GSK3B: variants seen among roughly 807,000 people sequenced by gnomAD.
GSK3B encodes glycogen synthase kinase-3 beta.
GSK3B carries 15 observed loss-of-function variants against 56.4 expected under a neutral mutation model. That is an observed-to-expected ratio of 0.27 (90% CI 0.18 to 0.41). The LOEUF is 0.41. GSK3B is among the 10% of genes least tolerant of loss of function. The probability of loss-of-function intolerance (pLI) is 1.00; values close to 1 mark genes in which losing one functional copy is unlikely to be tolerated. For synonymous variants in GSK3B, 181 were observed against 188.9 expected, an observed-to-expected ratio of 0.96 and a Z score of 0.34; for missense variants, 300 against 513.4, an observed-to-expected ratio of 0.58 and a Z score of 4.02.
chr3:119,962,329 T>G (rs2107506804), intron 2 of GSK3B, among the ~76,000 whole-genome samples: 1 of 151,156 alleles, frequency 6.6e-6, no homozygotes, highest in South Asian at 2.1e-4. Flanking sequence ...GAGCCAAGAT[T>G]GTGCCATTGC....
At chr3:119,862,575 A>G (rs1472850083) in intron 9 of GSK3B, among the ~76,000 whole-genome samples, 1 of 149,258 alleles carries the variant, frequency 6.7e-6, no homozygotes, top group Admixed American at 6.7e-5. Flanking sequence ...TAAAGGAAAT[A>G]TATTTCTTTC....
At chr3:119,939,172 CA>C (rs1296596912) in intron 3 of GSK3B, among the ~76,000 whole-genome samples, 2 of 151,990 alleles carry the variant, frequency 1.3e-5, no homozygotes, top group African/African-American at 2.4e-5. Flanking sequence ...AAAAATAGAG[CA>C]GGGGTGGAGG....
In GSK3B at chr3:119,824,887, T is replaced by TCA. The variant is rs562276586; in HGVS notation, c.*1899_*1900dup. On this transcript the variant is annotated 3_prime_UTR_variant, in exon 11 of 11. Transcript: ENST00000264235. ...CAGGCAGGACAACTCTCTTGGAGAG[T>TCA]CACACACACAGTTAAGGAGCAGGAC... 1 of 180,678 alleles carries TCA rather than the reference T, an allele frequency of 5.5e-6. No individual in the cohort carries two copies. The allele number at this position is 180,678 out of a possible 1,614,324, so 11.2% of individuals were successfully genotyped here. A position where few individuals can be genotyped will look rare whatever the true frequency, so the allele number is the denominator to read the frequency against.
intron 2 of GSK3B, among the ~76,000 whole-genome samples, chr3:119,955,016 T>C (rs752662869): frequency 1.1e-4 from 17 of 152,164 alleles, no homozygotes; most frequent in Non-Finnish European, 1.6e-4. Context: ...TCCCCCATGA[T>C]AGAAAGTTCT....
chr3:119,909,863 T>C (rs1433778826), intron 6 of GSK3B, among the ~76,000 whole-genome samples: 1 of 152,080 alleles, frequency 6.6e-6, no homozygotes, highest in African/African-American at 2.4e-5. Flanking sequence ...GGTGAAGACT[T>C]GAGAAGGTCA....
chr3:119,991,382 T>C (rs1209074644), intron 2 of GSK3B, among the ~76,000 whole-genome samples: 1 of 152,140 alleles, frequency 6.6e-6, no homozygotes, highest in Non-Finnish European at 1.5e-5. Context: ...GAAATGAAGA[T>C]TATACCAGAA....
At chr3:119,906,135 G>A (rs1047723570) in intron 6 of GSK3B, among the ~76,000 whole-genome samples, 24 of 152,128 alleles carry the variant, frequency 1.6e-4, no homozygotes, top group Middle Eastern at 3.4e-3. Flanking sequence ...CTAGACAGAG[G>A]ATTACAGTAC....
chr3:120,093,191 A>G (rs942387377), intron 1 of GSK3B, among the ~76,000 whole-genome samples, 156 bp downstream of exon 1: 4 of 152,172 alleles, frequency 2.6e-5, no homozygotes, highest in African/African-American at 9.7e-5. Context: ...TGGGAGGAGT[A>G]AAAAGGGAGC....
intron 8 of GSK3B, among the ~76,000 whole-genome samples, chr3:119,864,643 G>C (rs2056152964): frequency 6.6e-6 from 1 of 152,218 alleles, no homozygotes; most frequent in Non-Finnish European, 1.5e-5. Flanking sequence ...CGCAGATTGT[G>C]ACAGGGCATG....
At chr3:119,985,623 A>T (rs897634383) in intron 2 of GSK3B, among the ~76,000 whole-genome samples, 3 of 152,228 alleles carry the variant, frequency 2.0e-5, no homozygotes, top group Non-Finnish European at 4.4e-5. Context: ...AATACAACTT[A>T]CAAAGAATGT....
intron 2 of GSK3B, among the ~76,000 whole-genome samples, chr3:119,951,767 T>C (rs978435890): frequency 4.6e-5 from 7 of 152,124 alleles, no homozygotes; most frequent in African/African-American, 1.7e-4. Flanking sequence ...TATTATAATT[T>C]ATAATTAAGT....
At chr3:119,961,105 A>T (rs915972503) in intron 2 of GSK3B, among the ~76,000 whole-genome samples, 1 of 152,154 alleles carries the variant, frequency 6.6e-6, no homozygotes, top group East Asian at 1.9e-4. Context: ...CACCCCTCAA[A>T]ACACATGTAA....
At chr3:119,840,886 C>T (rs1324156070) in intron 10 of GSK3B, among the ~76,000 whole-genome samples, 1 of 152,182 alleles carries the variant, frequency 6.6e-6, no homozygotes, top group Non-Finnish European at 1.5e-5. Flanking sequence ...ATTTCTTAAA[C>T]AGCAGGGCCA....
intron 3 of GSK3B, among the ~76,000 whole-genome samples, chr3:119,931,973 CTGAG>C (rs1318200235): frequency 1.3e-5 from 2 of 152,150 alleles, no homozygotes; most frequent in African/African-American, 2.4e-5. Context: ...AAACCACACA[CTGAG>C]TAAGAAATTT....
chr3:120,000,918 C>CTTTTTTTTTTTTTTTTTTT (rs71156781), intron 2 of GSK3B, among the ~76,000 whole-genome samples: 1 of 91,050 alleles, frequency 1.1e-5, no homozygotes, highest in African/African-American at 4.3e-5. Flanking sequence ...ATGTAATCTC[C>CTTTTTTTTTTTTTTTTTTT]TTTTTTTTTT....
Position 119,822,129 on chromosome 3 carries a change from ATC to A in GSK3B, c.*4657_*4658del, listed in dbSNP as rs1491031592. On this transcript the variant is annotated 3_prime_UTR_variant, in exon 11 of 11. Coordinates refer to ENST00000264235, the MANE Select transcript of GSK3B (RefSeq NM_001146156.2). ...AGTTTATATTTAAAATGAAAAAAAA[ATC>A]AGTCACAGAGGCATTCAAGTAGTAA... 28 of 197,978 alleles carry A rather than the reference ATC, an allele frequency of 1.4e-4. No homozygotes were observed. The highest frequency in any genetic ancestry group is 2.5e-4 in the Non-Finnish European group (24 of 96,294). The allele number at this position is 197,978 out of a possible 1,614,324, so 12.3% of individuals were successfully genotyped here.
intron 5 of GSK3B, among the ~76,000 whole-genome samples, chr3:119,913,266 C>T (rs149617940): frequency 3.9e-4 from 59 of 152,186 alleles, no homozygotes; most frequent in East Asian, 1.2e-3. Flanking sequence ...TTCTGACTCA[C>T]GGCGAATATT....
chr3:120,024,485 C>T (rs1194140066), intron 1 of GSK3B, among the ~76,000 whole-genome samples: 2 of 152,202 alleles, frequency 1.3e-5, no homozygotes, highest in East Asian at 1.9e-4. Context: ...TTTCAGCTTA[C>T]ATTTTCATTG....
intron 2 of GSK3B, among the ~76,000 whole-genome samples, chr3:119,956,670 A>T (rs909114673): frequency 1.3e-5 from 2 of 152,212 alleles, no homozygotes; most frequent in Admixed American, 1.3e-4. Flanking sequence ...ACTAAAAAGA[A>T]ATTAGTCAGA....
Sources: gnomAD v4.1 joint callset for allele counts (sites outside exome capture counted in the v4.1 genomes callset) on GRCh38, gnomAD v4.1.1 for gene constraint, MANE v1.5 for transcripts, NCBI Gene and HGNC (gene_info 2026-07-23, HGNC 2026-07-21) for gene names.